The following DIP2A variants were observed in gnomAD, a reference collection of about 807,000 sequenced individuals.
DIP2A encodes the protein DIP2 acetate--CoA ligase A, also known as disco-interacting protein 2 homolog A.
Under a neutral mutation model 177.4 loss-of-function variants are expected in DIP2A, and 85 were observed. That is an observed-to-expected ratio of 0.48 (90% CI 0.40 to 0.57). DIP2A has a LOEUF of 0.57. DIP2A is among the 20% of genes least tolerant of loss of function. The pLI is 0.00. For synonymous variants in DIP2A, 886 were observed against 881.8 expected (o/e 1.00, Z -0.08); for missense variants, 1,791 against 2,100.2 (o/e 0.85, Z 2.88).
chr21:46,470,000 T>C (rs1406591212), intron 1 of DIP2A, among the ~76,000 whole-genome samples: 1 of 152,258 alleles, frequency 6.6e-6, no homozygotes, highest in East Asian at 1.9e-4. Flanking sequence ...TTTAATCTTT[T>C]AATGTATTAT....
intron 6 of DIP2A, among the ~76,000 whole-genome samples, chr21:46,508,353 CTTTTTTTTTTTTT>C (rs571637777): frequency 1.1e-5 from 1 of 90,506 alleles, no homozygotes; most frequent in East Asian, 3.4e-4. Context: ...TGGCCAATGA[CTTTTTTTTTTTTT>C]TTTTTTTTTT....
chr21:46,579,739 C>A, the DIP2A span, among the ~76,000 whole-genome samples: 1 of 152,264 alleles, frequency 6.6e-6, no homozygotes, highest in Admixed American at 6.5e-5. Context: ...GGAGGTTGTT[C>A]AGTTTCCATG....
chr21:46,578,966 T>C, the DIP2A span, among the ~76,000 whole-genome samples: 1 of 152,178 alleles, frequency 6.6e-6, no homozygotes, highest in Non-Finnish European at 1.5e-5. Flanking sequence ...ATGATGCTCG[T>C]CTCATAAAAT....
chr21:46,579,444 C>G, the DIP2A span, among the ~76,000 whole-genome samples: 1 of 152,012 alleles, frequency 6.6e-6, no homozygotes, highest in Non-Finnish European at 1.5e-5. Flanking sequence ...TTTCACGTCT[C>G]TGTTTCCTTC....
chr21:46,499,317 A>C (rs1449738359), intron 5 of DIP2A, among the ~76,000 whole-genome samples: 1 of 152,106 alleles, frequency 6.6e-6, no homozygotes, highest in Non-Finnish European at 1.5e-5. Context: ...CCTGCTCTTG[A>C]GGGGAAGCTG....
chr21:46,567,628 G>A lies in DIP2A; in HGVS notation c.*6G>A, dbSNP rs200312534. On this transcript the variant is annotated 3_prime_UTR_variant, in exon 38 of 38. Coordinates refer to ENST00000417564, the MANE Select transcript of DIP2A (RefSeq NM_015151.4). ...ATGTCGCCTACAACATGTGAGCGCA[G>A]CACACCGGCCCAGGTGCCGGAGATG... 2.3e-5 allele frequency: 37 copies of A among 1,576,140 alleles called. No individual in the cohort carries two copies. In the African/African-American group the frequency reaches 2.6e-4, roughly 11 times the overall value.
At chr21:46,477,070 A>G (rs1260603814) in intron 1 of DIP2A, among the ~76,000 whole-genome samples, 1 of 152,116 alleles carries the variant, frequency 6.6e-6, no homozygotes, top group Non-Finnish European at 1.5e-5. Flanking sequence ...CTGGTCAGGT[A>G]TGGATCACTC....
At chr21:46,503,575 C>T (rs548517518) in intron 5 of DIP2A, among the ~76,000 whole-genome samples, 1 of 95,000 alleles carries the variant, frequency 1.1e-5, no homozygotes, top group South Asian at 3.3e-4. Flanking sequence ...GGAATTTCTT[C>T]CTTCCTTCCT....
At chr21:46,506,579 T>C (rs1050433137) in intron 6 of DIP2A, among the ~76,000 whole-genome samples, 1 of 152,156 alleles carries the variant, frequency 6.6e-6, no homozygotes, top group Admixed American at 6.5e-5. Flanking sequence ...TGTAGAGATA[T>C]CTCATTACAG....
intron 3 of DIP2A, among the ~76,000 whole-genome samples, chr21:46,495,168 C>G (rs1241696743): frequency 1.4e-5 from 2 of 144,952 alleles, no homozygotes; most frequent in African/African-American, 5.0e-5. Context: ...CTCCCTCTTT[C>G]TCTTTCGCTT....
At chr21:46,504,937 GT>G (rs1488211529) in intron 6 of DIP2A, among the ~76,000 whole-genome samples, 1 of 152,230 alleles carries the variant, frequency 6.6e-6, no homozygotes, top group African/African-American at 2.4e-5. Flanking sequence ...AGCAATCATG[GT>G]TTCCCATGTG....
chr21:46,545,032 AT>A (rs2059973067), intron 18 of DIP2A, 104 bp from the exon 19 acceptor site: 4 of 1,173,188 alleles, frequency 3.4e-6, no homozygotes, highest in Non-Finnish European at 3.5e-6. Context: ...TGCTGTGTAT[AT>A]AACATCCTGT....
chr21:46,563,907 C>A lies in DIP2A; in HGVS notation c.4139C>A (p.Pro1380His). 1 of 1,613,652 alleles carries A rather than the reference C, an allele frequency of 6.2e-7. No individual in the cohort carries two copies. Among genetic ancestry groups the A allele is most frequent in the Non-Finnish European group, 8.5e-7 (1 of 1,179,828 alleles). The change falls in exon 35 of 38, where the codon CCC becomes CAC. Residue 1380 changes from proline to histidine, a missense_variant. Physicochemically the swap from Pro to His is moderately conservative, Grantham distance 77 (BLOSUM62 -2). Coordinates refer to ENST00000417564, the MANE Select transcript of DIP2A (RefSeq NM_015151.4). This position sits in a 1 kb window ranked among gnomAD's most constrained non-coding sequence, Gnocchi z 4.3. ...ATCGCACACACCGAGACCAAAGGACCCTTGGGAGACTCACACCTGGGAGAG... is the reference window on the plus strand; with the variant it reads ...ATCGCACACACCGAGACCAAAGGACACTTGGGAGACTCACACCTGGGAGAG... ...VIIAHTETKG[P>H]LGDSHLGEIW...
intron 1 of DIP2A, among the ~76,000 whole-genome samples, chr21:46,461,104 C>A (rs2054259975): frequency 6.6e-6 from 1 of 151,234 alleles, no homozygotes. Context: ...TTCAGAACAG[C>A]TTGGGTAACA....
rs2060522118 is a variant in DIP2A, at chr21:46,557,874, A to G, written c.3798+121A>G. 1.6e-6 allele frequency: 2 copies of G among 1,239,892 alleles called. No individual in the cohort carries two copies. The highest frequency in any genetic ancestry group is 5.1e-5 in the Admixed American group (2 of 38,948). The allele number at this position is 1,239,892 out of a possible 1,614,324, so 76.8% of individuals were successfully genotyped here. A position where few individuals can be genotyped will look rare whatever the true frequency, so the allele number is the denominator to read the frequency against. ...CCTGCAGTTGGAGGAAGTAGAGAAA[A>G]CCCTTTCCCACTAGGGGCCCTATGT... is the stretch of plus-strand genomic sequence containing the variant. On this transcript the variant is annotated intron_variant, in intron 31 of 37. Coordinates refer to ENST00000417564, the MANE Select transcript of DIP2A (RefSeq NM_015151.4). This position sits in a 1 kb window ranked among gnomAD's most constrained non-coding sequence, Gnocchi z 6.0.
In DIP2A at chr21:46,543,488, C is replaced by T. The variant is rs145659298; in HGVS notation, c.2176+1593C>T. On this transcript the variant is annotated intron_variant, in intron 18 of 37. Transcript: ENST00000417564. ...AGACGTGCATGCAGCGCACCCCCCT[C>T]CCCCAGGTGTGTGCATGCAGCGCTC... Among the ~76,000 whole-genome samples the T allele has an allele frequency of 5.9e-3, 901 of 151,754 alleles. 8 individuals carry two copies. The highest frequency in any genetic ancestry group is 0.02 in the Middle Eastern group (6 of 294).
the DIP2A span, among the ~76,000 whole-genome samples, chr21:46,582,917 A>T: frequency 1.5e-4 from 23 of 152,302 alleles, no homozygotes; most frequent in East Asian, 4.4e-3. Flanking sequence ...TAAACAGTTT[A>T]TTAAAAAGGC....
At chr21:46,512,419 T>A (rs9981272) in intron 8 of DIP2A, among the ~76,000 whole-genome samples, 3 of 152,126 alleles carry the variant, frequency 2.0e-5, no homozygotes, top group Non-Finnish European at 4.4e-5. Context: ...GCAGTGAGTA[T>A]GTGAGGGGTT....
intron 21 of DIP2A, among the ~76,000 whole-genome samples, chr21:46,547,654 GC>G (rs1337932818): frequency 7.1e-5 from 8 of 112,420 alleles, no homozygotes; most frequent in African/African-American, 2.0e-4. Context: ...TCAAGGGGGT[GC>G]CTTTTTTTTT....
Sources: allele counts gnomAD v4.1 joint callset (sites outside exome capture counted in the v4.1 genomes callset), GRCh38; gene constraint gnomAD v4.1.1; non-coding constraint Gnocchi (gnomAD v3.1); transcripts MANE v1.5; gene names NCBI Gene and HGNC (gene_info 2026-07-23, HGNC 2026-07-21).